The following FHIT variants were observed in gnomAD, a reference collection of about 807,000 sequenced individuals.
FHIT encodes the protein fragile histidine triad diadenosine triphosphatase, also known as bis(5'-adenosyl)-triphosphatase.
A neutral mutation model predicts 17.9 loss-of-function variants in FHIT; 19 were observed. The ratio of observed to expected loss-of-function variants is 1.06; its 90% CI spans 0.74 to 1.56. The LOEUF (loss-of-function observed/expected upper bound fraction) is 1.56. Ranked by LOEUF, FHIT falls within the 40% of genes most tolerant of loss-of-function variation. The pLI is 0.00. For synonymous variants in FHIT, 81 were observed against 69.7 expected (o/e 1.16, Z -0.81); for missense variants, 248 against 189.2 (o/e 1.31, Z -1.82).
intron 5 of FHIT, among the ~76,000 whole-genome samples, chr3:60,527,115 T>C (rs953861261): frequency 4.1e-4 from 63 of 152,282 alleles, no homozygotes; most frequent in African/African-American, 1.5e-3. Context: ...CGCGGAAATA[T>C]GAAAAGTTTC....
intron 5 of FHIT, 87 bp from the exon 6 acceptor site, chr3:60,014,239 C>T (rs17061789): frequency 0.1 from 135,710 of 1,346,064 alleles, 7,425 homozygotes; most frequent in South Asian, 0.17. Flanking sequence ...TGAATCCTCT[C>T]GGACCAGGGC....
At chr3:59,800,390 CT>C (rs1466149143) in intron 8 of FHIT, among the ~76,000 whole-genome samples, 1 of 152,182 alleles carries the variant, frequency 6.6e-6, no homozygotes, top group African/African-American at 2.4e-5. Context: ...CGCCTCACAC[CT>C]GCTTTATGGT....
At chr3:60,620,763 A>T (rs1459937615) in intron 4 of FHIT, among the ~76,000 whole-genome samples, 1 of 152,138 alleles carries the variant, frequency 6.6e-6, no homozygotes, top group Non-Finnish European at 1.5e-5. Flanking sequence ...AACCCATAGG[A>T]TGTACAATGC....
At chr3:60,861,236 C>CATAT (rs368321744) in intron 3 of FHIT, among the ~76,000 whole-genome samples, 10 of 8,854 alleles carry the variant, frequency 1.1e-3, no homozygotes, top group East Asian at 2.2e-3. Context: ...TATGATATAT[C>CATAT]ATATCATATA....
chr3:60,300,590 T>C (rs1433278962), intron 5 of FHIT, among the ~76,000 whole-genome samples: 1 of 152,044 alleles, frequency 6.6e-6, no homozygotes, highest in African/African-American at 2.4e-5. Context: ...TAAGATGAGA[T>C]AGGAAATGGG....
intron 5 of FHIT, among the ~76,000 whole-genome samples, chr3:60,307,879 G>A (rs1322498181): frequency 3.9e-5 from 6 of 151,962 alleles, no homozygotes; most frequent in Admixed American, 6.6e-5. Context: ...CATGTGGTTC[G>A]GCACACACGT....
At chr3:60,072,188 A>C (rs1702804400) in intron 5 of FHIT, among the ~76,000 whole-genome samples, 1 of 152,208 alleles carries the variant, frequency 6.6e-6, no homozygotes, top group South Asian at 2.1e-4. Context: ...GCTTGAAGAG[A>C]GACAAACACT....
At chr3:59,798,951 G>A (rs1699886714) in intron 8 of FHIT, among the ~76,000 whole-genome samples, 1 of 152,188 alleles carries the variant, frequency 6.6e-6, no homozygotes, top group African/African-American at 2.4e-5. Context: ...GGTAGCCTCT[G>A]CTAACCTCCA....
intron 5 of FHIT, among the ~76,000 whole-genome samples, chr3:60,021,006 G>C (rs576719955): frequency 1.3e-5 from 2 of 152,220 alleles, no homozygotes; most frequent in South Asian, 4.1e-4. Flanking sequence ...ACTCATTTCA[G>C]TAACTCAATA....
intron 5 of FHIT, among the ~76,000 whole-genome samples, chr3:60,508,176 A>T (rs547755038): frequency 1.3e-5 from 2 of 152,300 alleles, no homozygotes; most frequent in East Asian, 3.9e-4. Context: ...GGGCACTGGC[A>T]TTAGAAATTA....
intron 4 of FHIT, among the ~76,000 whole-genome samples, chr3:60,547,051 A>G (rs2036390592): frequency 1.3e-5 from 2 of 152,330 alleles, no homozygotes; most frequent in South Asian, 4.1e-4. Context: ...ATAGAGTTTG[A>G]TGGGAAAATT....
At chr3:60,434,048 T>G (rs1559909465) in intron 5 of FHIT, among the ~76,000 whole-genome samples, 1 of 152,116 alleles carries the variant, frequency 6.6e-6, no homozygotes, top group Non-Finnish European at 1.5e-5. Context: ...CAGGTTTTAC[T>G]TCTAAATCTT....
intron 5 of FHIT, among the ~76,000 whole-genome samples, chr3:60,129,220 TTTTTGTC>T (rs1354968231): frequency 2.0e-5 from 3 of 151,998 alleles, no homozygotes; most frequent in Non-Finnish European, 4.4e-5. Context: ...ATCCAGCTAA[TTTTTGTC>T]TTTTTAGTAG....
At chr3:60,145,675 A>G (rs1337501289) in intron 5 of FHIT, among the ~76,000 whole-genome samples, 5 of 152,182 alleles carry the variant, frequency 3.3e-5, no homozygotes. Context: ...GTTTGACTCA[A>G]CTGACTATTA....
chr3:60,617,946 G>T, intron 4 of FHIT: 1 of 264,200 alleles, frequency 3.8e-6, no homozygotes, highest in South Asian at 4.9e-5. Flanking sequence ...TTGGGTTCTG[G>T]ATTCAAGCAT....
chr3:60,627,161 G>A (rs1217209328), intron 4 of FHIT, among the ~76,000 whole-genome samples: 1 of 152,064 alleles, frequency 6.6e-6, no homozygotes, highest in Admixed American at 6.6e-5. Flanking sequence ...TGTGATGTCT[G>A]TCTGTTTTGG....
chr3:60,531,501 A>C (rs537477859), intron 5 of FHIT, among the ~76,000 whole-genome samples: 1 of 152,038 alleles, frequency 6.6e-6, no homozygotes, highest in South Asian at 2.1e-4. Flanking sequence ...GATGGTCTCG[A>C]TCTCCTGACC....
chr3:60,074,246 T>A (rs1364739984), intron 5 of FHIT, among the ~76,000 whole-genome samples: 1 of 152,074 alleles, frequency 6.6e-6, no homozygotes, highest in Non-Finnish European at 1.5e-5. Context: ...ATGAGTTTTA[T>A]GAAACAGTTA....
intron 5 of FHIT, among the ~76,000 whole-genome samples, chr3:60,377,303 A>G (rs890768825): frequency 2.0e-5 from 3 of 150,790 alleles, no homozygotes; most frequent in Non-Finnish European, 4.4e-5. Flanking sequence ...CTGGGACTAC[A>G]GGCACGCACC....
Sources: gnomAD v4.1 joint callset for allele counts (sites outside exome capture counted in the v4.1 genomes callset) on GRCh38, gnomAD v4.1.1 for gene constraint, MANE v1.5 for transcripts, NCBI Gene and HGNC (gene_info 2026-07-23, HGNC 2026-07-21) for gene names.